The following ZNF709 variants were observed in gnomAD, a reference collection of about 807,000 sequenced individuals.
ZNF709 encodes zinc finger protein 709.
ZNF709 carries 15 observed loss-of-function variants against 10.6 expected under a neutral mutation model. That is an observed-to-expected ratio of 1.41 (90% CI 0.95 to 2.18). The LOEUF (loss-of-function observed/expected upper bound fraction) is 2.18, where lower values mean the gene tolerates loss of function less well. Ranked by LOEUF, ZNF709 falls within the 30% of genes most tolerant of loss-of-function variation. ZNF709 has a pLI of 0.00. For missense variants in ZNF709, 589 were observed against 774.0 expected, an observed-to-expected ratio of 0.76 and a Z score of 2.84; for synonymous variants, 194 against 238.8, an observed-to-expected ratio of 0.81 and a Z score of 1.73.
rs1476008902 is a variant in ZNF709 at position 12,470,601 on chromosome 19, G to T, written c.4-3751C>A. Reference sequence around the variant, plus strand: ...ACTGATATCTGGGAAGTGAGAATTTGGGAGGGACCCCGCCAACCTAAGTGA... The same window carrying T: ...ACTGATATCTGGGAAGTGAGAATTTTGGAGGGACCCCGCCAACCTAAGTGA... On this transcript the variant is annotated intron_variant, in intron 1 of 3. Transcript: ENST00000397732. Among the ~76,000 whole-genome samples the T allele has an allele frequency of 2.6e-5, 4 of 152,178 alleles. No individual in the cohort carries two copies. In the East Asian group the frequency reaches 7.7e-4, roughly 29 times the overall value.
At chr19:12,483,525 GTTTAT>G (rs1204027509) in intron 1 of ZNF709, among the ~76,000 whole-genome samples, 8 of 151,618 alleles carry the variant, frequency 5.3e-5, no homozygotes, top group African/African-American at 9.7e-5. Context: ...CACTCTAAAG[GTTTAT>G]TTTATTTTAT....
At chr19:12,467,736 A>G (rs1338955221) in intron 1 of ZNF709, among the ~76,000 whole-genome samples, 1 of 144,606 alleles carries the variant, frequency 6.9e-6, no homozygotes, top group Non-Finnish European at 1.5e-5. Context: ...AGAGGTGGGG[A>G]GCGCCTCTGC....
intron 1 of ZNF709, among the ~76,000 whole-genome samples, chr19:12,475,754 C>A (rs115158136): frequency 1.6e-4 from 25 of 152,004 alleles, no homozygotes; most frequent in Non-Finnish European, 3.7e-4. Flanking sequence ...AGATTGGGAA[C>A]AAAGAAATAT....
At chr19:12,475,778 G>A (rs747719073) in intron 1 of ZNF709, among the ~76,000 whole-genome samples, 23 of 152,116 alleles carry the variant, frequency 1.5e-4, no homozygotes, top group African/African-American at 3.4e-4. Flanking sequence ...TGTCTTTGTC[G>A]CATGTGACAT....
chr19:12,470,250 T>C (rs1287905911), intron 1 of ZNF709, among the ~76,000 whole-genome samples: 2 of 152,120 alleles, frequency 1.3e-5, no homozygotes, highest in Non-Finnish European at 2.9e-5. Flanking sequence ...CTGATGTCCA[T>C]ATGCAAAGGA....
At chr19:12,469,459 G>A (rs1329451474) in intron 1 of ZNF709, among the ~76,000 whole-genome samples, 3 of 152,078 alleles carry the variant, frequency 2.0e-5, no homozygotes, top group Admixed American at 6.5e-5. Flanking sequence ...AAAAGGCATG[G>A]CAACTTAGAT....
Position 12,463,174 on chromosome 19 carries a change from CA to C in ZNF709, c.*821del. On this transcript the variant is annotated 3_prime_UTR_variant, in exon 4 of 4. Transcript: ENST00000397732. ...CACACATAAGGGAGTATCACATGAG[CA>C]TTTGTTAAAATGGAAAACATTGCTA... 6.6e-6 allele frequency: 1 copy of C among 152,122 alleles called. No homozygotes were observed. The highest frequency in any genetic ancestry group is 1.5e-5 in the Non-Finnish European group (1 of 68,018). 9.4% of individuals were successfully genotyped at this position (152,122 alleles called of 1,614,324 possible).
intron 1 of ZNF709, among the ~76,000 whole-genome samples, chr19:12,472,521 CAAAAA>C (rs34678727): frequency 1.2e-5 from 1 of 84,690 alleles, no homozygotes. Flanking sequence ...GACTCCATCT[CAAAAA>C]AAAAAAAAAA....
chr19:12,479,767 G>C (rs1279438856), intron 1 of ZNF709, among the ~76,000 whole-genome samples: 1 of 152,190 alleles, frequency 6.6e-6, no homozygotes, highest in Non-Finnish European at 1.5e-5. Flanking sequence ...CTACTCGCGA[G>C]GCTGAGGCAG....
intron 1 of ZNF709, among the ~76,000 whole-genome samples, chr19:12,478,940 A>G (rs896470043): frequency 9.9e-5 from 15 of 152,196 alleles, no homozygotes; most frequent in African/African-American, 3.6e-4. Flanking sequence ...CAGAACCAAC[A>G]TGAGTATGAA....
At chr19:12,465,873 A>C (rs1970566219) in intron 3 of ZNF709, 140 bp from the exon 4 acceptor site, 2 of 581,714 alleles carry the variant, frequency 3.4e-6, no homozygotes, top group Non-Finnish European at 5.5e-6. Context: ...TATGTCATGA[A>C]TGCTCAGGAA....
intron 1 of ZNF709, among the ~76,000 whole-genome samples, chr19:12,480,781 G>A (rs1054623466): frequency 6.6e-6 from 1 of 150,890 alleles, no homozygotes; most frequent in South Asian, 2.1e-4. Flanking sequence ...TTTCGTTTTT[G>A]TTTTTGTTTC....
chr19:12,475,294 A>G (rs1970667217), intron 1 of ZNF709, among the ~76,000 whole-genome samples: 2 of 148,852 alleles, frequency 1.3e-5, no homozygotes, highest in Admixed American at 1.3e-4. Context: ...CTAAGCATCT[A>G]CATGAGGAAA....
At chr19:12,466,634 C>T (rs1970573355) in intron 2 of ZNF709, 90 bp downstream of exon 2, 1 of 1,606,600 alleles carries the variant, frequency 6.2e-7, no homozygotes, top group South Asian at 1.1e-5. Context: ...AAAGTATTCC[C>T]TTTCAACATT....
At position 12,484,648 on chromosome 19, in the gene ZNF709, C is replaced by A. The variant is rs1383978639; in HGVS notation, c.3+7G>T. On this transcript the variant is annotated splice_region_variant and intron_variant, in intron 1 of 3. Transcript: ENST00000397732. The stretch of plus-strand genomic sequence containing the variant: ...CCATCTCAAGACCCCCAGCCCCGCA[C>A]ACTTACCATTTCCCAGACTCTGGGA... The A allele has an allele frequency of 1.2e-6, 2 of 1,614,042 alleles. No individual in the cohort carries two copies. The highest frequency in any genetic ancestry group is 2.2e-5 in the East Asian group (1 of 44,864).
chr19:12,479,603 G>A (rs1385888344), intron 1 of ZNF709, among the ~76,000 whole-genome samples: 1 of 152,158 alleles, frequency 6.6e-6, no homozygotes, highest in Non-Finnish European at 1.5e-5. Flanking sequence ...GGGTGCGATG[G>A]CTCACGCCTG....
chr19:12,468,267 GA>G (rs1237913072), intron 1 of ZNF709, among the ~76,000 whole-genome samples: 1 of 152,240 alleles, frequency 6.6e-6, no homozygotes, highest in African/African-American at 2.4e-5. Context: ...GAAAGGTGGG[GA>G]AAAGATTGAG....
chr19:12,476,228 C>A (rs1943212286), intron 1 of ZNF709, among the ~76,000 whole-genome samples: 1 of 151,934 alleles, frequency 6.6e-6, no homozygotes, highest in Non-Finnish European at 1.5e-5. Context: ...CCCATCTCTA[C>A]AAAAAATACA....
chr19:12,470,200 T>C (rs1442382513), intron 1 of ZNF709, among the ~76,000 whole-genome samples: 1 of 152,144 alleles, frequency 6.6e-6, no homozygotes, highest in East Asian at 1.9e-4. Flanking sequence ...AGTGGCATAA[T>C]TCCCCTAAAT....
Sources: allele counts gnomAD v4.1 joint callset (sites outside exome capture counted in the v4.1 genomes callset), GRCh38; gene constraint gnomAD v4.1.1; transcripts MANE v1.5; gene names NCBI Gene and HGNC (gene_info 2026-07-23, HGNC 2026-07-21).